The following MSRA variants were observed in gnomAD, a reference collection of about 807,000 sequenced individuals.
MSRA encodes the protein methionine sulfoxide reductase A, also known as mitochondrial peptide methionine sulfoxide reductase.
MSRA carries 54 observed loss-of-function variants against 31.3 expected under a neutral mutation model. That is an observed-to-expected ratio of 1.73 (90% CI 1.39 to 2.17). MSRA has a LOEUF of 2.17. Among genes scored for constraint, MSRA ranks in the 30% most tolerant of loss-of-function variants. MSRA has a pLI of 0.00. For synonymous variants in MSRA, 169 were observed against 116.5 expected (o/e 1.45, Z -2.90); for missense variants, 507 against 300.9 (o/e 1.69, Z -5.07).
intron 1 of MSRA, among the ~76,000 whole-genome samples, chr8:10,105,044 C>T (rs1210626798): frequency 6.6e-6 from 1 of 152,184 alleles, no homozygotes; most frequent in Non-Finnish European, 1.5e-5. Flanking sequence ...TGAGATTGAA[C>T]ATCTTTTAAT....
chr8:10,085,299 C>G (rs1249300135), intron 1 of MSRA, among the ~76,000 whole-genome samples: 1 of 152,184 alleles, frequency 6.6e-6, no homozygotes, highest in East Asian at 1.9e-4. Context: ...CCTCATGGCC[C>G]CATTTGAGAT....
rs79002994 is a variant in MSRA, at chr8:10,177,374, G to C, written c.143-30459G>C. Among the ~76,000 whole-genome samples the C allele has an allele frequency of 7.3e-3, 1,110 of 152,300 alleles. 6 individuals carry two copies. The highest frequency in any genetic ancestry group is 0.011 in the Non-Finnish European group (770 of 68,020). The stretch of plus-strand genomic sequence containing the variant: ...TGGAGGATAAAGAATATGATTATTT[G>C]AATCAAGATGCTTATGGTATGGCAT... On this transcript the variant is annotated intron_variant, in intron 1 of 5. Transcript: ENST00000317173.
intron 3 of MSRA, among the ~76,000 whole-genome samples, chr8:10,283,836 T>TACATACACACAC (rs1799784429): frequency 1.9e-5 from 1 of 53,162 alleles, no homozygotes; most frequent in African/African-American, 8.7e-5. Flanking sequence ...TATATATATA[T>TACATACACACAC]ACACACACAC....
intron 1 of MSRA, among the ~76,000 whole-genome samples, chr8:10,158,566 G>A (rs1211785008): frequency 6.6e-6 from 1 of 152,156 alleles, no homozygotes; most frequent in Non-Finnish European, 1.5e-5. Flanking sequence ...TTGATTGCTG[G>A]TCATCTTCCA....
At chr8:10,273,415 T>C (rs1013905607) in intron 3 of MSRA, among the ~76,000 whole-genome samples, 1 of 152,208 alleles carries the variant, frequency 6.6e-6, no homozygotes, top group Non-Finnish European at 1.5e-5. Context: ...GGATAAGTTA[T>C]CTGATTTTGC....
intron 1 of MSRA, among the ~76,000 whole-genome samples, chr8:10,096,494 T>C (rs769785203): frequency 1.3e-5 from 2 of 152,190 alleles, no homozygotes; most frequent in African/African-American, 2.4e-5. Context: ...TGGTAGAGAA[T>C]AGAAATTTAA....
At position 10,162,201 on chromosome 8, in the gene MSRA, G is replaced by A. The variant is rs1480992466; in HGVS notation, c.143-45632G>A. On this transcript the variant is annotated intron_variant, in intron 1 of 5. Coordinates refer to ENST00000317173, the MANE Select transcript of MSRA (RefSeq NM_012331.5). Reference sequence around the variant, plus strand: ...AGTAACTCCTGCCACTCTGAGCCAAGGCTCTTATTTATTTTTATTTTGGAC... The same window carrying A: ...AGTAACTCCTGCCACTCTGAGCCAAAGCTCTTATTTATTTTTATTTTGGAC... 8.9e-4 allele frequency among the ~76,000 whole-genome samples: 136 copies of A among 152,202 alleles called. 1 individual carries two copies. The highest frequency in any genetic ancestry group is 8.8e-3 in the Admixed American group (134 of 15,278).
intron 5 of MSRA, among the ~76,000 whole-genome samples, chr8:10,414,744 A>G (rs1182345304): frequency 1.3e-5 from 2 of 152,234 alleles, no homozygotes; most frequent in Admixed American, 1.3e-4. Context: ...TTCATCCCCA[A>G]GGTGAAACCT....
At chr8:10,422,812 G>A (rs2954810) in intron 5 of MSRA, among the ~76,000 whole-genome samples, 2 of 152,194 alleles carry the variant, frequency 1.3e-5, no homozygotes, top group Non-Finnish European at 2.9e-5. Flanking sequence ...CTGGGGTTGA[G>A]CAGCAAGAGC....
At chr8:10,100,791 G>T (rs188951720) in intron 1 of MSRA, among the ~76,000 whole-genome samples, 1 of 152,080 alleles carries the variant, frequency 6.6e-6, no homozygotes, top group African/African-American at 2.4e-5. Flanking sequence ...GTTCTGTATT[G>T]CACGTTATCA....
At chr8:10,384,124 C>T (rs960369107) in intron 5 of MSRA, among the ~76,000 whole-genome samples, 1 of 152,164 alleles carries the variant, frequency 6.6e-6, no homozygotes, top group Non-Finnish European at 1.5e-5. Context: ...GAGCTTGTAC[C>T]TTAAATTAGA....
At chr8:10,373,491 C>T (rs1462024213) in intron 5 of MSRA, among the ~76,000 whole-genome samples, 1 of 152,268 alleles carries the variant, frequency 6.6e-6, no homozygotes, top group Non-Finnish European at 1.5e-5. Flanking sequence ...CCTGCCTTGG[C>T]CTCCGAAAGT....
chr8:10,173,261 T>C (rs1211235780), intron 1 of MSRA, among the ~76,000 whole-genome samples: 1 of 152,258 alleles, frequency 6.6e-6, no homozygotes, highest in Non-Finnish European at 1.5e-5. Flanking sequence ...TCTCCGTGTC[T>C]GCCTGCAGCC....
At chr8:10,374,819 T>C (rs936834049) in intron 5 of MSRA, among the ~76,000 whole-genome samples, 3 of 152,210 alleles carry the variant, frequency 2.0e-5, no homozygotes, top group Non-Finnish European at 4.4e-5. Context: ...TGGAGCCTAG[T>C]AGGAGACATT....
At chr8:10,285,163 C>G (rs1158427396) in intron 3 of MSRA, among the ~76,000 whole-genome samples, 2 of 152,134 alleles carry the variant, frequency 1.3e-5, no homozygotes, top group Non-Finnish European at 2.9e-5. Flanking sequence ...GAGCTCTCTT[C>G]ATCTTGTAAA....
rs576473297 is a variant in MSRA, at chr8:10,113,091, T to A, written c.142+58433T>A. Reference sequence around the variant, plus strand: ...CCTCCAAGAGCGTAGGGCTTGTCAGTCTTGTTCATGGTTTTATCCTCAGGG... The same window carrying A: ...CCTCCAAGAGCGTAGGGCTTGTCAGACTTGTTCATGGTTTTATCCTCAGGG... On this transcript the variant is annotated intron_variant, in intron 1 of 5. Transcript: ENST00000317173. Among the ~76,000 whole-genome samples, 6 of 152,084 alleles carry A rather than the reference T, an allele frequency of 3.9e-5. No homozygotes were observed. The South Asian group carries it at 1.2e-3, about 32-fold the overall frequency.
chr8:10,388,889 G>T (rs1806561663), intron 5 of MSRA, among the ~76,000 whole-genome samples: 1 of 151,676 alleles, frequency 6.6e-6, no homozygotes. Context: ...TACCCTGGTT[G>T]TGGCAACTAA....
rs35705121 is a variant in MSRA, at chr8:10,357,254, A to C, written c.543+37265A>C. Among the ~76,000 whole-genome samples the C allele has an allele frequency of 6.7e-3, 1,023 of 152,292 alleles. 58 individuals are homozygous for C. In the East Asian group the frequency reaches 0.15, roughly 22 times the overall value. On this transcript the variant is annotated intron_variant, in intron 5 of 5. Coordinates refer to ENST00000317173, the MANE Select transcript of MSRA (RefSeq NM_012331.5). ...CTCTATGAATTTGTTTTCATTTATT[A>C]ATTGGGATAATTTTCTAAGAAGGAG...
intron 1 of MSRA, among the ~76,000 whole-genome samples, chr8:10,165,107 T>C (rs1805007786): frequency 6.6e-6 from 1 of 152,164 alleles, no homozygotes; most frequent in Non-Finnish European, 1.5e-5. Context: ...GGTGTTAATA[T>C]TTTAAAAAGG....
Sources: allele counts gnomAD v4.1 joint callset (sites outside exome capture counted in the v4.1 genomes callset), GRCh38; gene constraint gnomAD v4.1.1; transcripts MANE v1.5; gene names NCBI Gene and HGNC (gene_info 2026-07-23, HGNC 2026-07-21).